The following WWC1 variants were observed in gnomAD, a reference collection of about 807,000 sequenced individuals.
WWC1 encodes the protein WW and C2 domain containing 1.
Under a neutral mutation model 138.4 loss-of-function variants are expected in WWC1, and 55 were observed. The observed-to-expected ratio is 0.40, with a 90% CI of 0.32 to 0.50. The LOEUF (loss-of-function observed/expected upper bound fraction) is 0.50, where lower values mean the gene tolerates loss of function less well. Ranked by LOEUF, WWC1 falls within the 20% of genes least tolerant of loss-of-function variation. The probability of loss-of-function intolerance (pLI) is 0.72; values close to 1 mark genes in which losing one functional copy is unlikely to be tolerated. For synonymous variants in WWC1, 524 were observed against 564.9 expected, an observed-to-expected ratio of 0.93 and a Z score of 1.03; for missense variants, 1,226 against 1,420.4, an observed-to-expected ratio of 0.86 and a Z score of 2.20.
intron 6 of WWC1, 64 bp from the exon 7 acceptor site, chr5:168,408,443 C>T (rs898046251): frequency 1.3e-5 from 20 of 1,574,134 alleles, no homozygotes; most frequent in East Asian, 2.2e-5. Flanking sequence ...GCACAGGGAG[C>T]GTGGCAGACC....
At chr5:168,426,051 T>A (rs1193676963) in intron 11 of WWC1, among the ~76,000 whole-genome samples, 1 of 152,176 alleles carries the variant, frequency 6.6e-6, no homozygotes, top group Non-Finnish European at 1.5e-5. Context: ...GGAGTGGTGC[T>A]GCTGTGCCCA....
intron 1 of WWC1, among the ~76,000 whole-genome samples, chr5:168,328,875 G>T (rs553100891): frequency 3.0e-4 from 45 of 152,252 alleles, no homozygotes; most frequent in African/African-American, 9.4e-4. Context: ...AAAAGTACTT[G>T]CATGACCTCG....
In WWC1 at chr5:168,427,548, ATTTTTTTTT is replaced by A. The variant is rs34177139; in HGVS notation, c.1811-469_1811-461del. Among the ~76,000 whole-genome samples the A allele has an allele frequency of 3.2e-4, 32 of 101,148 alleles. No individual in the cohort carries two copies. The East Asian group carries it at 4.3e-3, about 13-fold the overall frequency. The allele number at this position is 101,148 out of a possible 152,430, so 66.4% of individuals were successfully genotyped here. ...TCACCCTAAAGCAAACTTTTTTTTAATTTTTTTTTTTTTTTTTTTTTTTTGCTTTAGCAT... is the reference window on the plus strand; with the variant it reads ...TCACCCTAAAGCAAACTTTTTTTTAATTTTTTTTTTTTTTTGCTTTAGCAT... On this transcript the variant is annotated intron_variant, in intron 11 of 22. Transcript: ENST00000265293.
At chr5:168,376,411 G>A (rs1777171276) in intron 2 of WWC1, among the ~76,000 whole-genome samples, 1 of 152,078 alleles carries the variant, frequency 6.6e-6, no homozygotes, top group Admixed American at 6.5e-5. Context: ...AACACATAAT[G>A]GAGGAAGTCC....
At chr5:168,388,381 G>C (rs1778200642) in intron 3 of WWC1, among the ~76,000 whole-genome samples, 1 of 152,028 alleles carries the variant, frequency 6.6e-6, no homozygotes, top group Admixed American at 6.6e-5. Context: ...AGCCATAAAA[G>C]ACATTCTCAG....
intron 21 of WWC1, among the ~76,000 whole-genome samples, chr5:168,467,050 A>G (rs1334093036): frequency 8.5e-5 from 13 of 152,220 alleles, no homozygotes; most frequent in Admixed American, 7.9e-4. Flanking sequence ...TCACAAGGTC[A>G]GGAGATTGAG....
At chr5:168,394,360 T>C (rs1778728501) in intron 3 of WWC1, among the ~76,000 whole-genome samples, 2 of 152,224 alleles carry the variant, frequency 1.3e-5, no homozygotes. Flanking sequence ...TATATAACTT[T>C]AATAAAAACT....
At chr5:168,315,346 G>A (rs1288379580) in intron 1 of WWC1, among the ~76,000 whole-genome samples, 1 of 151,952 alleles carries the variant, frequency 6.6e-6, no homozygotes, top group Non-Finnish European at 1.5e-5. Context: ...ATTTTTATAT[G>A]CTACCCAGAT....
chr5:168,295,556 A>T (rs1769468222), intron 1 of WWC1, among the ~76,000 whole-genome samples: 1 of 150,948 alleles, frequency 6.6e-6, no homozygotes, highest in African/African-American at 2.4e-5. Flanking sequence ...TGAATCATGG[A>T]GATGCCCACC....
chr5:168,318,786 C>G (rs951079039), intron 1 of WWC1, among the ~76,000 whole-genome samples: 1 of 152,090 alleles, frequency 6.6e-6, no homozygotes, highest in Non-Finnish European at 1.5e-5. Context: ...TCTCAAACTT[C>G]TAACCTCAGG....
At chr5:168,350,474 G>T (rs1297307667) in intron 1 of WWC1, among the ~76,000 whole-genome samples, 10 of 152,210 alleles carry the variant, frequency 6.6e-5, no homozygotes. Context: ...TTCCTCTGCT[G>T]GTCCCCAGGT....
chr5:168,372,265 G>GC (rs1776819973), intron 2 of WWC1, among the ~76,000 whole-genome samples: 1 of 141,928 alleles, frequency 7.0e-6, no homozygotes, highest in South Asian at 2.8e-4. Context: ...CAATCCTCCA[G>GC]CGGGGGAGAG....
chr5:168,459,359 C>CT (rs1191907018), intron 19 of WWC1, among the ~76,000 whole-genome samples: 2 of 152,146 alleles, frequency 1.3e-5, no homozygotes, highest in East Asian at 3.8e-4. Flanking sequence ...ATGGCACACC[C>CT]TTCCACCTGC....
intron 1 of WWC1, among the ~76,000 whole-genome samples, chr5:168,319,485 A>G (rs1180129320): frequency 1.3e-5 from 2 of 152,226 alleles, no homozygotes; most frequent in Non-Finnish European, 2.9e-5. Flanking sequence ...CATACCCAGA[A>G]GGAGAATTGC....
Position 168,385,550 on chromosome 5 carries a change from T to G in WWC1, c.433+136T>G, listed in dbSNP as rs1236306733. ...TTGTCCAAACCACCATCTTGTTTAC[T>G]GCTCTTCCTGCTCCTACCTGTGCCT... On this transcript the variant is annotated intron_variant, in intron 3 of 22. Transcript: ENST00000265293. 4.9e-6 allele frequency: 4 copies of G among 822,456 alleles called. No homozygotes were observed. The Admixed American group carries it at 8.2e-5, about 17-fold the overall frequency. 50.9% of individuals were successfully genotyped at this position (822,456 alleles called of 1,614,324 possible).
rs34149697 is a variant in WWC1 at position 168,318,560 on chromosome 5, A to ATT, written c.119+26304_119+26305dup. Among the ~76,000 whole-genome samples the ATT allele has an allele frequency of 3.0e-3, 408 of 134,484 alleles. 4 individuals are homozygous for ATT. Among genetic ancestry groups the ATT allele is most frequent in the African/African-American group, 8.3e-3 (306 of 36,710 alleles). The allele number at this position is 134,484 out of a possible 152,430, so 88.2% of individuals were successfully genotyped here. A position where few individuals can be genotyped will look rare whatever the true frequency, so the allele number is the denominator to read the frequency against. ...TATTTGTCATTTTTTGTGACTGGCTATTTTTTTTTTTTTTTTGAGATGGAG... is the reference window on the plus strand; with the variant it reads ...TATTTGTCATTTTTTGTGACTGGCTATTTTTTTTTTTTTTTTTTGAGATGGAG... On this transcript the variant is annotated intron_variant, in intron 1 of 22. Transcript: ENST00000265293.
At chr5:168,380,290 A>C (rs1271534158) in intron 2 of WWC1, among the ~76,000 whole-genome samples, 1 of 152,052 alleles carries the variant, frequency 6.6e-6, no homozygotes, top group Non-Finnish European at 1.5e-5. Context: ...ACACAGTGAG[A>C]CCTCATCTCT....
chr5:168,310,079 C>T (rs1246508961), intron 1 of WWC1, among the ~76,000 whole-genome samples: 1 of 152,190 alleles, frequency 6.6e-6, no homozygotes, highest in Non-Finnish European at 1.5e-5. Context: ...CTGACCTTCT[C>T]GAAGCTGGTC....
intron 19 of WWC1, among the ~76,000 whole-genome samples, chr5:168,458,032 G>A (rs1338828439): frequency 6.6e-6 from 1 of 152,224 alleles, no homozygotes; most frequent in Non-Finnish European, 1.5e-5. Flanking sequence ...AAGGGAGGCA[G>A]TAGAAGCAAG....
Sources: gnomAD v4.1 joint callset for allele counts (sites outside exome capture counted in the v4.1 genomes callset) on GRCh38, gnomAD v4.1.1 for gene constraint, MANE v1.5 for transcripts, NCBI Gene and HGNC (gene_info 2026-07-23, HGNC 2026-07-21) for gene names.